The following ECM2 variants were observed in gnomAD, a reference collection of about 807,000 sequenced individuals.
The protein encoded by ECM2 is extracellular matrix protein 2.
A neutral mutation model predicts 67.5 loss-of-function variants in ECM2; 57 were observed. That is an observed-to-expected ratio of 0.84 (90% confidence interval 0.68 to 1.05). ECM2 has a LOEUF of 1.05. ECM2 is among the 50% of genes least tolerant of loss of function. ECM2 has a pLI of 0.00. For missense variants in ECM2, 741 were observed against 822.8 expected, an observed-to-expected ratio of 0.90 and a Z score of 1.22; for synonymous variants, 258 against 294.5, an observed-to-expected ratio of 0.88 and a Z score of 1.27.
intron 1 of ECM2, among the ~76,000 whole-genome samples, chr9:92,526,289 TAAAG>T (rs1441919474): frequency 6.6e-6 from 1 of 152,194 alleles, no homozygotes; most frequent in African/African-American, 2.4e-5. Context: ...AATTACGCTA[TAAAG>T]AAAGAAAATA....
At chr9:92,508,302 C>G (rs1019628498) in intron 6 of ECM2, among the ~76,000 whole-genome samples, 1 of 152,216 alleles carries the variant, frequency 6.6e-6, no homozygotes, top group African/African-American at 2.4e-5. Context: ...GGGGCCGAGG[C>G]TCCTCGGGTG....
At chr9:92,505,741 A>C (rs1407059425) in intron 6 of ECM2, 51 bp from the exon 7 acceptor site, 19 of 1,432,966 alleles carry the variant, frequency 1.3e-5, no homozygotes, top group Non-Finnish European at 1.8e-5. Flanking sequence ...AAACCATGCA[A>C]ATTTTTGTAG....
In ECM2 at chr9:92,505,558, G is replaced by A. The variant is rs769232573; in HGVS notation, c.1439C>T (p.Pro480Leu). Reference protein sequence around the residue: ...RLGKNKFRIIPQGLPGSIEEL... With the variant: ...RLGKNKFRIILQGLPGSIEEL... ...CTCAATAGAACCAGGAAGACCCTGC[G>A]GTATAATTCTAAATTTATTTTTTCC... The change falls in exon 7 of 10, where the codon CCG becomes CTG. Residue 480 changes from proline to leucine, a missense_variant. By Grantham distance (98) the Pro-to-Leu change is moderately conservative (BLOSUM62 -3). Transcript: ENST00000344604. 2.5e-6 allele frequency: 4 copies of A among 1,602,898 alleles called. No individual in the cohort carries two copies. The highest frequency in any genetic ancestry group is 2.2e-5 in the East Asian group (1 of 44,722).
the ECM2 span, among the ~76,000 whole-genome samples, chr9:92,552,721 G>A: frequency 3.2e-4 from 48 of 152,002 alleles, no homozygotes; most frequent in Non-Finnish European, 4.3e-4. Context: ...GTTTGAGTTC[G>A]TTGTAGATTC....
In ECM2 at chr9:92,496,146, A is replaced by G. The variant is rs1846335133; in HGVS notation, c.*169T>C. 7.6e-7 allele frequency: 1 copy of G among 1,313,696 alleles called. No individual in the cohort carries two copies. The highest frequency in any genetic ancestry group is 2.0e-5 in the South Asian group (1 of 50,124). The allele number at this position is 1,313,696 out of a possible 1,614,324, so 81.4% of individuals were successfully genotyped here. On this transcript the variant is annotated 3_prime_UTR_variant, in exon 10 of 10. Coordinates refer to ENST00000344604, the MANE Select transcript of ECM2 (RefSeq NM_001393.4). ...ACTATTAATAAAACTCCTAGAGACT[A>G]TACCTTTTAGGTATATTTTGGTTGT...
At chr9:92,517,538 A>G (rs1389472367) in intron 3 of ECM2, 149 bp downstream of exon 3, 3 of 1,043,562 alleles carry the variant, frequency 2.9e-6, no homozygotes, top group South Asian at 3.0e-5. Flanking sequence ...TTTCCCAGAT[A>G]TTTTCTATGT....
chr9:92,514,491 T>C (rs2131205963), intron 4 of ECM2, 140 bp downstream of exon 4: 1 of 1,149,218 alleles, frequency 8.7e-7, no homozygotes, highest in Non-Finnish European at 1.2e-6. Context: ...TCCAGGCTGG[T>C]CTCAAACCCC....
At chr9:92,500,305 C>T (rs923348949) in intron 9 of ECM2, among the ~76,000 whole-genome samples, 90 of 152,308 alleles carry the variant, frequency 5.9e-4, no homozygotes, top group African/African-American at 2.1e-3. Flanking sequence ...ACCTCAGCCT[C>T]CTGAGTAGCT....
intron 1 of ECM2, among the ~76,000 whole-genome samples, chr9:92,524,456 C>T (rs181218349): frequency 7.2e-5 from 11 of 152,304 alleles, no homozygotes; most frequent in African/African-American, 2.2e-4. Flanking sequence ...CAAGGTGTTG[C>T]AGCAGCTGTC....
chr9:92,518,578 A>G (rs765634234), intron 2 of ECM2, among the ~76,000 whole-genome samples: 1 of 152,160 alleles, frequency 6.6e-6, no homozygotes, highest in Non-Finnish European at 1.5e-5. Flanking sequence ...TATGATTCAC[A>G]TACTATAATA....
intron 1 of ECM2, among the ~76,000 whole-genome samples, chr9:92,530,433 A>G (rs974971811): frequency 3.9e-5 from 6 of 152,354 alleles, no homozygotes; most frequent in African/African-American, 1.4e-4. Flanking sequence ...AAAAATTAGT[A>G]GTCATTTTAT....
the ECM2 span, among the ~76,000 whole-genome samples, chr9:92,549,413 G>A: frequency 6.6e-6 from 1 of 152,120 alleles, no homozygotes; most frequent in East Asian, 1.9e-4. Flanking sequence ...TTGGGAGGCC[G>A]AGACGGGTGG....
chr9:92,522,595 G>T lies in ECM2; in HGVS notation c.272C>A (p.Ser91Ter). ...ESFSSFPGVE[S>*]SYNVLPGKKG... is the part of the protein sequence containing the mutation. ...CTTACCTGGTAACACATTATAACTT[G>T]ATTCTACTCCAGGAAAACTTGAAAA... Residue 91 changes from serine (S) to a stop codon, truncating the protein, a stop_gained, in exon 2 of 10, where the codon TCA becomes TAA. Transcript: ENST00000344604. LOFTEE classifies it high-confidence loss of function. 6.2e-7 allele frequency: 1 copy of T among 1,612,564 alleles called. No individual in the cohort carries two copies. Among genetic ancestry groups the T allele is most frequent in the South Asian group, 1.1e-5 (1 of 90,896 alleles).
chr9:92,539,196 G>A (rs1219304627), upstream of ECM2: 2 of 152,170 alleles, frequency 1.3e-5, no homozygotes, highest in East Asian at 3.9e-4. Flanking sequence ...GGAGTAGGGC[G>A]AGGTAAAATG....
In ECM2 at chr9:92,496,449, C is replaced by T. The variant is rs201652423; in HGVS notation, c.1966G>A (p.Glu656Lys). The T allele has an allele frequency of 1.9e-6, 3 of 1,607,440 alleles. No individual in the cohort carries two copies. The highest frequency in any genetic ancestry group is 2.5e-6 in the Non-Finnish European group (3 of 1,178,388). Residue 656 changes from glutamate to lysine, a missense_variant, in exon 10 of 10, where the codon GAG becomes AAG. By Grantham distance (56) the Glu-to-Lys change is moderately conservative. Transcript: ENST00000344604. Reference sequence around the variant, plus strand: ...TGTTCCAGATTTGAGTCATCATCCTCTTCAGCATTGCAAATTTCTTCTGGA... The same window carrying T: ...TGTTCCAGATTTGAGTCATCATCCTTTTCAGCATTGCAAATTTCTTCTGGA... ...ILPEEICNAE[E>K]DDDSNLEHLH...
At chr9:92,516,064 CTTTT>C (rs869200958) in intron 3 of ECM2, among the ~76,000 whole-genome samples, 8 of 148,730 alleles carry the variant, frequency 5.4e-5, no homozygotes, top group African/African-American at 1.7e-4. Flanking sequence ...ACAGTGCATA[CTTTT>C]TTTTCCCCCC....
chr9:92,529,413 T>C (rs1848608365), intron 1 of ECM2, among the ~76,000 whole-genome samples: 1 of 152,218 alleles, frequency 6.6e-6, no homozygotes, highest in Admixed American at 6.5e-5. Flanking sequence ...CTTTTAAAAC[T>C]TAACATACTG....
chr9:92,554,736 C>G, the ECM2 span, among the ~76,000 whole-genome samples: 1 of 152,158 alleles, frequency 6.6e-6, no homozygotes, highest in Admixed American at 6.5e-5. Flanking sequence ...TGCCCGGCTT[C>G]AAGCAAGTTT....
chr9:92,546,696 T>A, the ECM2 span, among the ~76,000 whole-genome samples: 7 of 152,172 alleles, frequency 4.6e-5, no homozygotes, highest in African/African-American at 1.7e-4. Flanking sequence ...GCTTCATTCT[T>A]GAAGTCAGTG....
Sources: allele counts gnomAD v4.1 joint callset (sites outside exome capture counted in the v4.1 genomes callset), GRCh38; gene constraint gnomAD v4.1.1; transcripts MANE v1.5; gene names NCBI Gene and HGNC (gene_info 2026-07-23, HGNC 2026-07-21).